CNTN6: variants seen among roughly 807,000 people sequenced by gnomAD.
CNTN6 encodes contactin 6.
CNTN6 carries 137 observed loss-of-function variants against 122.8 expected under a neutral mutation model. The ratio of observed to expected loss-of-function variants is 1.12; its 90% CI spans 0.97 to 1.29. The LOEUF (loss-of-function observed/expected upper bound fraction) is 1.29, where lower values mean the gene tolerates loss of function less well. Ranked by LOEUF, CNTN6 falls within the 50% of genes most tolerant of loss-of-function variation. The pLI is 0.00. For synonymous variants in CNTN6, 570 were observed against 426.0 expected, an observed-to-expected ratio of 1.34 and a Z score of -4.16; for missense variants, 1,634 against 1,223.4, an observed-to-expected ratio of 1.34 and a Z score of -5.01.
rs1279792555 is a variant in CNTN6, at chr3:1,245,325, T to TA, written c.358+17333dup. On this transcript the variant is annotated intron_variant, in intron 4 of 22. Coordinates refer to ENST00000446702, the MANE Select transcript of CNTN6 (RefSeq NM_001289080.2). ...ATATATATATATATATATATATATA[T>TA]ATATATATATAGCATGGAATACTAC... 1.2e-4 allele frequency among the ~76,000 whole-genome samples: 6 copies of TA among 48,766 alleles called. 1 individual carries two copies. The highest frequency in any genetic ancestry group is 3.6e-4 in the African/African-American group (4 of 11,050). The allele number at this position is 48,766 out of a possible 152,430, so 32.0% of individuals were successfully genotyped here.
chr3:1,391,369 A>T (rs1361103781), intron 20 of CNTN6, among the ~76,000 whole-genome samples: 2 of 121,876 alleles, frequency 1.6e-5, no homozygotes, highest in Non-Finnish European at 3.3e-5. Flanking sequence ...TCATGCTAAA[A>T]ACTCTCAATA....
At chr3:1,343,988 C>CAAGACAGT (rs1339141233) in intron 11 of CNTN6, among the ~76,000 whole-genome samples, 13 of 152,050 alleles carry the variant, frequency 8.5e-5, no homozygotes, top group African/African-American at 2.4e-4. Flanking sequence ...ATTAAAAGTA[C>CAAGACAGT]AAGACAGTAA....
intron 1 of CNTN6, among the ~76,000 whole-genome samples, chr3:1,132,183 T>A (rs182757558): frequency 2.5e-3 from 388 of 152,284 alleles, no homozygotes; most frequent in South Asian, 0.012. Flanking sequence ...TCTTTTACTC[T>A]AAAAACTCTG....
intron 1 of CNTN6, among the ~76,000 whole-genome samples, chr3:1,124,292 A>G (rs1210769197): frequency 6.6e-6 from 1 of 151,802 alleles, no homozygotes; most frequent in African/African-American, 2.4e-5. Context: ...CCTGAATTAT[A>G]CCAACCCTGC....
At chr3:1,158,824 A>ATATATATACACACACATATATATG (rs774012111) in intron 2 of CNTN6, among the ~76,000 whole-genome samples, 1 of 76,204 alleles carries the variant, frequency 1.3e-5, no homozygotes. Context: ...ATACACACAC[A>ATATATATACACACACATATATATG]TATATATACA....
At chr3:1,163,208 A>G (rs1243618869) in intron 2 of CNTN6, among the ~76,000 whole-genome samples, 1 of 152,186 alleles carries the variant, frequency 6.6e-6, no homozygotes, top group African/African-American at 2.4e-5. Flanking sequence ...AATTTTATTT[A>G]TCCATCTTAT....
At position 1,102,723 on chromosome 3, in the gene CNTN6, G is replaced by A. The variant is rs536189768; in HGVS notation, c.-83+9603G>A. Among the ~76,000 whole-genome samples the A allele has an allele frequency of 2.5e-4, 37 of 149,906 alleles. 2 individuals carry two copies. Among genetic ancestry groups the A allele is most frequent in the East Asian group, 5.9e-4 (3 of 5,098 alleles). On this transcript the variant is annotated intron_variant, in intron 1 of 22. Transcript: ENST00000446702. Reference sequence around the variant, plus strand: ...AGCCTGGGCGACAGGGCGAGACTCCGTCTCAAAAAATAAATAAATACATAA... The same window carrying A: ...AGCCTGGGCGACAGGGCGAGACTCCATCTCAAAAAATAAATAAATACATAA...
chr3:1,357,296 A>T (rs1158990147), intron 12 of CNTN6, among the ~76,000 whole-genome samples: 4 of 151,944 alleles, frequency 2.6e-5, no homozygotes, highest in African/African-American at 9.7e-5. Flanking sequence ...CTCTTACTAA[A>T]GTGGTCAATA....
At chr3:1,338,565 T>C (rs942943551) in intron 11 of CNTN6, among the ~76,000 whole-genome samples, 11 of 152,174 alleles carry the variant, frequency 7.2e-5, no homozygotes, top group African/African-American at 2.7e-4. Flanking sequence ...CAGCCATTCA[T>C]TCTATCTCAC....
In CNTN6 at chr3:1,348,511, G is replaced by T. The variant is rs996990727; in HGVS notation, c.1365-3813G>T. Among the ~76,000 whole-genome samples, 4 of 152,118 alleles carry T rather than the reference G, an allele frequency of 2.6e-5. No homozygotes were observed. The South Asian group carries it at 6.2e-4, about 24-fold the overall frequency. ...TAAATGTTGCATCACATTTTAGAGA[G>T]TTATTAGACTCTGAAGGTCAGATTT... is the stretch of plus-strand genomic sequence containing the variant. On this transcript the variant is annotated intron_variant, in intron 11 of 22. Coordinates refer to ENST00000446702, the MANE Select transcript of CNTN6 (RefSeq NM_001289080.2).
rs181247185 is a variant in CNTN6 at position 1,388,168 on chromosome 3, C to G, written c.2704+2371C>G. Among the ~76,000 whole-genome samples, 118 of 151,674 alleles carry G rather than the reference C, an allele frequency of 7.8e-4. 2 individuals carry two copies. In the Middle Eastern group the frequency reaches 0.014, roughly 17 times the overall value. On this transcript the variant is annotated intron_variant, in intron 20 of 22. Coordinates refer to ENST00000446702, the MANE Select transcript of CNTN6 (RefSeq NM_001289080.2). ...TGCAGAGTTAAATGTCCCTGTCTGA[C>G]AGCTTTGAAGAGAGCACTGGTTCTC...
At chr3:1,104,418 T>C (rs1163747302) in intron 1 of CNTN6, among the ~76,000 whole-genome samples, 1 of 151,726 alleles carries the variant, frequency 6.6e-6, no homozygotes, top group Non-Finnish European at 1.5e-5. Context: ...ATTATACACA[T>C]GTTTATGGAA....
chr3:1,152,935 G>A (rs1433229313), intron 2 of CNTN6, among the ~76,000 whole-genome samples: 1 of 152,154 alleles, frequency 6.6e-6, no homozygotes, highest in Non-Finnish European at 1.5e-5. Context: ...GTTACAAGGA[G>A]TGTGATTTTC....
chr3:1,251,865 T>C (rs2094676269), intron 4 of CNTN6, among the ~76,000 whole-genome samples: 4 of 152,202 alleles, frequency 2.6e-5, no homozygotes, highest in Admixed American at 2.6e-4. Context: ...AACTGCTTGA[T>C]ACTTAGTTCT....
At position 1,364,949 on chromosome 3, in the gene CNTN6, A is replaced by G. The variant is rs540963039; in HGVS notation, c.1493-7350A>G. Among the ~76,000 whole-genome samples, 94 of 152,022 alleles carry G rather than the reference A, an allele frequency of 6.2e-4. No homozygotes were observed. In the Middle Eastern group the frequency reaches 0.014, roughly 22 times the overall value. ...ATATTAAAATTCTGTGGTTTTACAA[A>G]CTCTTCATGAATGATTGTCATTTAT... On this transcript the variant is annotated intron_variant, in intron 12 of 22. Transcript: ENST00000446702.
intron 1 of CNTN6, among the ~76,000 whole-genome samples, chr3:1,099,399 C>A (rs552008754): frequency 1.1e-3 from 162 of 152,028 alleles, no homozygotes; most frequent in African/African-American, 1.4e-3. Context: ...TGCAGTGAGC[C>A]GAGATTGAGC....
chr3:1,155,885 G>C (rs2092951482), intron 2 of CNTN6, among the ~76,000 whole-genome samples: 1 of 152,172 alleles, frequency 6.6e-6, no homozygotes, highest in South Asian at 2.1e-4. Context: ...TATTGACACA[G>C]ATGCCTATGC....
At position 1,352,402 on chromosome 3, in the gene CNTN6, C is replaced by T. The variant is rs141953006; in HGVS notation, c.1443C>T (p.Ala481=). Residue 481 remains alanine, a synonymous_variant, in exon 12 of 23, where the codon GCC becomes GCT. Transcript: ENST00000446702. ...RSDAGSYTCI[A]TNQFGTAKNT... ...ATGCTGGATCATATACATGCATAGC[C>T]ACAAATCAGTTTGGCACTGCAAAGA... 42 of 1,608,622 alleles carry T rather than the reference C, an allele frequency of 2.6e-5. No homozygotes were observed. The African/African-American group carries it at 5.4e-4, about 21-fold the overall frequency.
chr3:1,152,560 A>G (rs1471477486), intron 2 of CNTN6, among the ~76,000 whole-genome samples: 1 of 152,198 alleles, frequency 6.6e-6, no homozygotes, highest in Non-Finnish European at 1.5e-5. Flanking sequence ...ACCCAAGATT[A>G]ACTGATGTGA....
Sources: allele counts gnomAD v4.1 joint callset (sites outside exome capture counted in the v4.1 genomes callset), GRCh38; gene constraint gnomAD v4.1.1; transcripts MANE v1.5; gene names NCBI Gene and HGNC (gene_info 2026-07-23, HGNC 2026-07-21).